The following PCDH9 variants were observed in gnomAD, a reference collection of about 807,000 sequenced individuals.
PCDH9 encodes the protein protocadherin 9.
Under a neutral mutation model 70.6 loss-of-function variants are expected in PCDH9, and 24 were observed. The ratio of observed to expected loss-of-function variants is 0.34; its 90% CI spans 0.25 to 0.48. The LOEUF is 0.48. Among genes scored for constraint, PCDH9 ranks in the 20% least tolerant of loss-of-function variants. The pLI is 0.99. For missense variants in PCDH9, 1,281 were observed against 1,503.6 expected, an observed-to-expected ratio of 0.85 and a Z score of 2.45; for synonymous variants, 562 against 558.5, an observed-to-expected ratio of 1.01 and a Z score of -0.09.
chr13:66,982,952 G>A (rs1177219273), intron 2 of PCDH9, among the ~76,000 whole-genome samples: 1 of 152,104 alleles, frequency 6.6e-6, no homozygotes, highest in African/African-American at 2.4e-5. Context: ...GATGTTATTA[G>A]AGAAAAAATG....
At chr13:67,141,451 A>ATTC (rs2087385995) in intron 2 of PCDH9, among the ~76,000 whole-genome samples, 1 of 151,432 alleles carries the variant, frequency 6.6e-6, no homozygotes, top group South Asian at 2.1e-4. Context: ...TATTATTATT[A>ATTC]TTATTTTTAG....
chr13:66,394,519 T>A (rs1957070217), intron 4 of PCDH9, among the ~76,000 whole-genome samples: 2 of 152,168 alleles, frequency 1.3e-5, no homozygotes, highest in African/African-American at 4.8e-5. Context: ...TAACTATGTG[T>A]CCATAACACA....
intron 2 of PCDH9, among the ~76,000 whole-genome samples, chr13:67,092,961 GA>G (rs34795610): frequency 9.3e-5 from 14 of 150,446 alleles, no homozygotes; most frequent in East Asian, 7.8e-4. Context: ...AAAGAAGGGG[GA>G]AAAAAAAACT....
intron 4 of PCDH9, among the ~76,000 whole-genome samples, chr13:66,594,084 C>T (rs1199282034): frequency 2.0e-5 from 3 of 151,526 alleles, no homozygotes; most frequent in Admixed American, 6.6e-5. Context: ...AATAGAGCTT[C>T]ACTAAAGTTA....
intron 2 of PCDH9, among the ~76,000 whole-genome samples, chr13:67,041,886 G>A (rs1052687755): frequency 2.6e-5 from 4 of 151,566 alleles, no homozygotes; most frequent in African/African-American, 9.7e-5. Flanking sequence ...ATTCCCTCAT[G>A]TTTTCAGCCC....
intron 2 of PCDH9, among the ~76,000 whole-genome samples, chr13:67,160,324 T>C (rs1210293171): frequency 6.6e-6 from 1 of 152,154 alleles, no homozygotes; most frequent in African/African-American, 2.4e-5. Context: ...GAAGGGCAGA[T>C]CACAAGGTCA....
intron 4 of PCDH9, among the ~76,000 whole-genome samples, chr13:66,553,185 A>T (rs189045326): frequency 1.3e-5 from 2 of 152,280 alleles, no homozygotes; most frequent in Non-Finnish European, 1.5e-5. Flanking sequence ...TCAATTCCAA[A>T]ACAAAAAATC....
intron 4 of PCDH9, among the ~76,000 whole-genome samples, chr13:66,517,763 C>T (rs779359950): frequency 6.6e-5 from 10 of 152,126 alleles, no homozygotes; most frequent in Non-Finnish European, 1.5e-4. Flanking sequence ...GTACTCCATA[C>T]TTTTAATAAA....
intron 4 of PCDH9, among the ~76,000 whole-genome samples, chr13:66,454,885 G>A (rs1405203916): frequency 6.6e-6 from 1 of 152,044 alleles, no homozygotes; most frequent in African/African-American, 2.4e-5. Context: ...GATTACAGGC[G>A]TGAGCCACGC....
At chr13:66,537,763 G>A (rs1252260887) in intron 4 of PCDH9, among the ~76,000 whole-genome samples, 4 of 152,056 alleles carry the variant, frequency 2.6e-5, no homozygotes, top group Non-Finnish European at 4.4e-5. Context: ...GGACACATTT[G>A]ATCACTGAGT....
At chr13:66,496,137 T>C (rs1020033576) in intron 4 of PCDH9, among the ~76,000 whole-genome samples, 1 of 152,234 alleles carries the variant, frequency 6.6e-6, no homozygotes, top group African/African-American at 2.4e-5. Context: ...AGGGAAATTA[T>C]TAACTTGGTT....
At chr13:67,215,304 G>A (rs2089576620) in intron 2 of PCDH9, 2 of 151,812 alleles carry the variant, frequency 1.3e-5, no homozygotes, top group South Asian at 2.1e-4. Context: ...TCACTATTCA[G>A]TTATTATTTT....
chr13:66,937,067 C>A (rs746183914), intron 2 of PCDH9, among the ~76,000 whole-genome samples: 1 of 152,106 alleles, frequency 6.6e-6, no homozygotes, highest in Non-Finnish European at 1.5e-5. Context: ...TTATGGTTCT[C>A]AATATAATTT....
chr13:66,607,693 A>G (rs191645104), intron 4 of PCDH9, among the ~76,000 whole-genome samples: 8 of 152,248 alleles, frequency 5.3e-5, no homozygotes, highest in Non-Finnish European at 8.8e-5. Context: ...TTACAGAAAA[A>G]TAAATCCAAG....
In PCDH9 at chr13:66,900,538, T is replaced by C. The variant is rs114267926; in HGVS notation, c.3138+2966A>G. On this transcript the variant is annotated intron_variant, in intron 3 of 4. Transcript: ENST00000377865. Reference sequence around the variant, plus strand: ...TATAATGCATATGACGTGCTTAGAATAGGGTCTGGCACAACTTTTTCTCAA... The same window carrying C: ...TATAATGCATATGACGTGCTTAGAACAGGGTCTGGCACAACTTTTTCTCAA... Among the ~76,000 whole-genome samples the C allele has an allele frequency of 9.4e-3, 1,435 of 151,934 alleles. 24 individuals carry two copies. The highest frequency in any genetic ancestry group is 0.032 in the African/African-American group (1,331 of 41,518).
At chr13:66,557,716 A>G (rs1210429404) in intron 4 of PCDH9, among the ~76,000 whole-genome samples, 1 of 152,248 alleles carries the variant, frequency 6.6e-6, no homozygotes, top group African/African-American at 2.4e-5. Flanking sequence ...GCTTAAGGAT[A>G]CAACCAATAT....
At chr13:66,466,195 C>T (rs1278276562) in intron 4 of PCDH9, among the ~76,000 whole-genome samples, 1 of 151,454 alleles carries the variant, frequency 6.6e-6, no homozygotes, top group Admixed American at 6.6e-5. Context: ...CCTCCCTCCT[C>T]TCCTCCCCTC....
intron 4 of PCDH9, among the ~76,000 whole-genome samples, chr13:66,322,968 ATATGT>A (rs1366538302): frequency 3.3e-5 from 5 of 152,158 alleles, no homozygotes; most frequent in Non-Finnish European, 4.4e-5. Context: ...GTGAACTGTG[ATATGT>A]TATATGTTTC....
intron 4 of PCDH9, among the ~76,000 whole-genome samples, chr13:66,420,565 A>C (rs1957548247): frequency 6.6e-6 from 1 of 152,204 alleles, no homozygotes. Flanking sequence ...ACCCCCAGCT[A>C]ACTCCAGCAG....
Sources: gnomAD v4.1 joint callset for allele counts (sites outside exome capture counted in the v4.1 genomes callset) on GRCh38, gnomAD v4.1.1 for gene constraint, MANE v1.5 for transcripts, NCBI Gene and HGNC (gene_info 2026-07-23, HGNC 2026-07-21) for gene names.